RALYL: variants seen among roughly 807,000 people sequenced by gnomAD.
The protein encoded by RALYL is RNA-binding Raly-like protein.
A neutral mutation model predicts 35.1 loss-of-function variants in RALYL; 29 were observed. The ratio of observed to expected loss-of-function variants is 0.83; its 90% confidence interval spans 0.61 to 1.13. The LOEUF is 1.13. Among genes scored for constraint, RALYL ranks in the 50% most tolerant of loss-of-function variants. The probability of loss-of-function intolerance (pLI) is 0.00; values close to 1 mark genes in which losing one functional copy is unlikely to be tolerated. For synonymous variants in RALYL, 120 were observed against 127.6 expected (o/e 0.94, Z 0.40); for missense variants, 359 against 360.4 (o/e 1.00, Z 0.03).
chr8:84,646,491 T>A (rs973155530), intron 2 of RALYL, among the ~76,000 whole-genome samples: 1 of 152,044 alleles, frequency 6.6e-6, no homozygotes, highest in Non-Finnish European at 1.5e-5. Context: ...GTTCTTTGGT[T>A]GGTTTTATGG....
intron 1 of RALYL, among the ~76,000 whole-genome samples, chr8:84,469,760 A>G (rs2052408483): frequency 6.6e-6 from 1 of 151,942 alleles, no homozygotes; most frequent in African/African-American, 2.4e-5. Context: ...TTGCAGTTTG[A>G]TCTCAGACTG....
intron 3 of RALYL, among the ~76,000 whole-genome samples, chr8:84,776,355 A>T (rs1212961171): frequency 6.6e-6 from 1 of 152,334 alleles, no homozygotes; most frequent in East Asian, 1.9e-4. Context: ...AAAATACATC[A>T]TAATTTCTCT....
Position 84,869,409 on chromosome 8 carries a change from A to T in RALYL, c.572-3875A>T, listed in dbSNP as rs139638270. Among the ~76,000 whole-genome samples, 588 of 149,792 alleles carry T rather than the reference A, an allele frequency of 3.9e-3. 5 individuals are homozygous for T. Among genetic ancestry groups the T allele is most frequent in the Non-Finnish European group, 4.4e-3 (293 of 66,414 alleles). On this transcript the variant is annotated intron_variant, in intron 6 of 8. Transcript: ENST00000521268. ...ATAATGGCTGGGGAAAATAAATAACAAATTAATGTGATTTACTGTCAAAGT... is the reference window on the plus strand; with the variant it reads ...ATAATGGCTGGGGAAAATAAATAACTAATTAATGTGATTTACTGTCAAAGT...
At chr8:84,750,527 G>T (rs137858335) in intron 2 of RALYL, among the ~76,000 whole-genome samples, 3 of 152,200 alleles carry the variant, frequency 2.0e-5, no homozygotes, top group African/African-American at 7.2e-5. Flanking sequence ...TTGAATATTT[G>T]CCCCCTTCTG....
chr8:84,483,407 T>G (rs2054261497), intron 1 of RALYL, among the ~76,000 whole-genome samples: 1 of 152,160 alleles, frequency 6.6e-6, no homozygotes. Flanking sequence ...GTGAAGTTAC[T>G]GAAAGCCTCT....
At chr8:84,327,192 G>T (rs545496187) in intron 1 of RALYL, among the ~76,000 whole-genome samples, 9 of 152,144 alleles carry the variant, frequency 5.9e-5, no homozygotes, top group African/African-American at 1.9e-4. Context: ...CTCAGTTTGG[G>T]GTGGGGAGGG....
intron 1 of RALYL, among the ~76,000 whole-genome samples, chr8:84,478,159 G>T (rs955291078): frequency 7.2e-5 from 11 of 152,020 alleles, no homozygotes; most frequent in Non-Finnish European, 1.2e-4. Flanking sequence ...TTTTAAATGA[G>T]TTAAAAACCC....
At chr8:84,658,372 T>C (rs190815560) in intron 2 of RALYL, among the ~76,000 whole-genome samples, 12 of 152,318 alleles carry the variant, frequency 7.9e-5, no homozygotes, top group African/African-American at 2.9e-4. Context: ...GCAACCTTTA[T>C]GAAAAGTAAA....
chr8:84,657,799 G>T (rs1047245960), intron 2 of RALYL, among the ~76,000 whole-genome samples: 2 of 152,194 alleles, frequency 1.3e-5, no homozygotes, highest in Admixed American at 1.3e-4. Flanking sequence ...AGAGCTGTCA[G>T]TCCTGATTGG....
At chr8:84,208,856 A>G (rs1304381511) in intron 1 of RALYL, among the ~76,000 whole-genome samples, 5 of 152,068 alleles carry the variant, frequency 3.3e-5, no homozygotes, top group Admixed American at 2.6e-4. Flanking sequence ...CTTTTGTGAT[A>G]TAAGAGACTT....
chr8:84,912,608 A>T (rs1217039165), intron 8 of RALYL, among the ~76,000 whole-genome samples: 1 of 152,046 alleles, frequency 6.6e-6, no homozygotes, highest in Non-Finnish European at 1.5e-5. Flanking sequence ...GCTTGCCGCC[A>T]TTGGCTTCCT....
chr8:84,687,193 A>G (rs1486946517), intron 2 of RALYL, among the ~76,000 whole-genome samples: 2 of 152,192 alleles, frequency 1.3e-5, no homozygotes, highest in African/African-American at 2.4e-5. Context: ...AATTAACAAA[A>G]TACAAAATGT....
intron 1 of RALYL, among the ~76,000 whole-genome samples, chr8:84,216,976 G>A (rs1396139891): frequency 6.6e-6 from 1 of 152,020 alleles, no homozygotes; most frequent in Non-Finnish European, 1.5e-5. Flanking sequence ...AGATAAAATT[G>A]GAACTAGCTT....
intron 1 of RALYL, among the ~76,000 whole-genome samples, chr8:84,290,200 C>A (rs1563676496): frequency 6.6e-6 from 1 of 152,270 alleles, no homozygotes; most frequent in African/African-American, 2.4e-5. Flanking sequence ...CCAGCAACAA[C>A]CACCCACCTA....
intron 1 of RALYL, among the ~76,000 whole-genome samples, chr8:84,204,505 G>A (rs181921402): frequency 0.089 from 13,483 of 152,128 alleles, 848 homozygotes; most frequent in Non-Finnish European, 0.14. Flanking sequence ...GGTTCTACCA[G>A]TATGCTTTTG....
intron 1 of RALYL, among the ~76,000 whole-genome samples, chr8:84,502,392 A>G (rs1457894468): frequency 6.6e-6 from 1 of 152,098 alleles, no homozygotes; most frequent in Non-Finnish European, 1.5e-5. Context: ...AATCCCAAGC[A>G]TCCCTTGACC....
At chr8:84,555,571 A>T (rs983280462) in intron 2 of RALYL, among the ~76,000 whole-genome samples, 2 of 152,210 alleles carry the variant, frequency 1.3e-5, no homozygotes, top group African/African-American at 4.8e-5. Flanking sequence ...ATTCAAGGAA[A>T]CATTTCCTGA....
At chr8:84,271,056 A>G (rs937366808) in intron 1 of RALYL, among the ~76,000 whole-genome samples, 1 of 152,132 alleles carries the variant, frequency 6.6e-6, no homozygotes, top group Non-Finnish European at 1.5e-5. Context: ...GGCAAATAGA[A>G]CTTTATCAAA....
At chr8:84,415,602 G>T (rs1181267776) in intron 1 of RALYL, among the ~76,000 whole-genome samples, 1 of 152,090 alleles carries the variant, frequency 6.6e-6, no homozygotes, top group Non-Finnish European at 1.5e-5. Flanking sequence ...AGCCCATTCT[G>T]CAATTCTGAC....
Sources: gnomAD v4.1 joint callset for allele counts (sites outside exome capture counted in the v4.1 genomes callset) on GRCh38, gnomAD v4.1.1 for gene constraint, MANE v1.5 for transcripts, NCBI Gene and HGNC (gene_info 2026-07-23, HGNC 2026-07-21) for gene names.